The following PPM1L variants were observed in gnomAD, a reference collection of about 807,000 sequenced individuals.
PPM1L encodes protein phosphatase, Mg2+/Mn2+ dependent 1L.
PPM1L carries 13 observed loss-of-function variants against 31.4 expected under a neutral mutation model. The ratio of observed to expected loss-of-function variants is 0.41; its 90% CI spans 0.27 to 0.66. The LOEUF is 0.66. Among genes scored for constraint, PPM1L ranks in the 30% least tolerant of loss-of-function variants. The pLI, the probability that PPM1L is intolerant of heterozygous loss-of-function variation, is 0.29. For missense variants in PPM1L, 326 were observed against 453.7 expected (o/e 0.72, Z 2.56); for synonymous variants, 184 against 175.4 (o/e 1.05, Z -0.39).
intron 1 of PPM1L, among the ~76,000 whole-genome samples, chr3:160,914,758 A>C (rs1156787376): frequency 6.6e-6 from 1 of 152,132 alleles, no homozygotes; most frequent in Non-Finnish European, 1.5e-5. Flanking sequence ...ATATGTGTGC[A>C]TGTGTCTTTA....
chr3:160,953,619 T>G (rs1451095188), intron 1 of PPM1L, among the ~76,000 whole-genome samples: 1 of 152,182 alleles, frequency 6.6e-6, no homozygotes, highest in Non-Finnish European at 1.5e-5. Flanking sequence ...TCTATTAGAA[T>G]TTAATTACAT....
At chr3:161,042,756 C>T (rs1222198763) in intron 2 of PPM1L, among the ~76,000 whole-genome samples, 2 of 152,178 alleles carry the variant, frequency 1.3e-5, no homozygotes, top group Non-Finnish European at 2.9e-5. Flanking sequence ...CACCGTGGCT[C>T]ACGCCTGTAA....
At chr3:160,968,531 G>C (rs923019594) in intron 2 of PPM1L, among the ~76,000 whole-genome samples, 1 of 152,138 alleles carries the variant, frequency 6.6e-6, no homozygotes, top group Non-Finnish European at 1.5e-5. Context: ...TTTTATGCTG[G>C]AGTATTATTT....
At position 160,913,716 on chromosome 3, in the gene PPM1L, C is replaced by T. The variant is rs970393037; in HGVS notation, c.400-48020C>T. Among the ~76,000 whole-genome samples, 10 of 152,172 alleles carry T rather than the reference C, an allele frequency of 6.6e-5. No individual in the cohort carries two copies. In the East Asian group the frequency reaches 7.7e-4, roughly 12 times the overall value. ...TAATGTTTTTGAGATTCATCCATGTCGTTTTATATGTCAGTAGTTCATTCC... is the reference window on the plus strand; with the variant it reads ...TAATGTTTTTGAGATTCATCCATGTTGTTTTATATGTCAGTAGTTCATTCC... On this transcript the variant is annotated intron_variant, in intron 1 of 3. Transcript: ENST00000498165.
intron 2 of PPM1L, among the ~76,000 whole-genome samples, chr3:160,977,550 G>T (rs1576757365): frequency 6.6e-6 from 1 of 152,176 alleles, no homozygotes; most frequent in Middle Eastern, 3.4e-3. Context: ...CCTTACCTGA[G>T]TCACTCTGAT....
chr3:160,825,732 A>G (rs1480065339), intron 1 of PPM1L, among the ~76,000 whole-genome samples: 1 of 152,116 alleles, frequency 6.6e-6, no homozygotes, highest in African/African-American at 2.4e-5. Context: ...AGATTTGACA[A>G]TTTTTTTGAG....
rs182515529 is a variant in PPM1L at position 160,851,992 on chromosome 3, G to A, written c.399+95285G>A. ...TAATTAGAACTTTGATGAAGAAAAGGTCCTATGTTCTGTTTTATACATAAT... is the reference window on the plus strand; with the variant it reads ...TAATTAGAACTTTGATGAAGAAAAGATCCTATGTTCTGTTTTATACATAAT... On this transcript the variant is annotated intron_variant, in intron 1 of 3. Coordinates refer to ENST00000498165, the MANE Select transcript of PPM1L (RefSeq NM_139245.4). Among the ~76,000 whole-genome samples the A allele has an allele frequency of 2.0e-3, 307 of 152,280 alleles. 4 individuals carry two copies. Among genetic ancestry groups the A allele is most frequent in the Middle Eastern group, 0.01 (3 of 294 alleles).
intron 2 of PPM1L, among the ~76,000 whole-genome samples, chr3:160,969,529 C>T (rs1380667361): frequency 6.6e-6 from 1 of 151,716 alleles, no homozygotes; most frequent in South Asian, 2.1e-4. Context: ...TTTCTAAGAA[C>T]ATAAAAAATC....
intron 2 of PPM1L, among the ~76,000 whole-genome samples, chr3:161,049,442 C>A (rs112625157): frequency 0.02 from 3,120 of 152,222 alleles, 115 homozygotes; most frequent in African/African-American, 0.072. Context: ...TTTAAAGAAT[C>A]CTTAAATAAA....
At chr3:160,914,101 A>G (rs969223673) in intron 1 of PPM1L, among the ~76,000 whole-genome samples, 39 of 152,184 alleles carry the variant, frequency 2.6e-4, no homozygotes, top group African/African-American at 8.9e-4. Context: ...CACTTGGCGT[A>G]GACATTCTTT....
rs560944423 is a variant in PPM1L at position 160,965,191 on chromosome 3, C to T, written c.574+3281C>T. On this transcript the variant is annotated intron_variant, in intron 2 of 3. Coordinates refer to ENST00000498165, the MANE Select transcript of PPM1L (RefSeq NM_139245.4). ...GCGTGAACCCAGGAGGCGGAGCTTG[C>T]AGTGAGCCGAGATCGCGCCACTGCA... is the stretch of plus-strand genomic sequence containing the variant. Among the ~76,000 whole-genome samples the T allele has an allele frequency of 5.2e-4, 79 of 151,570 alleles. 1 individual carries two copies. Among genetic ancestry groups the T allele is most frequent in the Non-Finnish European group, 6.3e-4 (43 of 67,896 alleles).
chr3:160,818,517 G>A (rs1340464640), intron 1 of PPM1L, among the ~76,000 whole-genome samples: 2 of 151,828 alleles, frequency 1.3e-5, no homozygotes, highest in African/African-American at 4.8e-5. Flanking sequence ...TCAAAATATT[G>A]GCTAAAATAA....
intron 1 of PPM1L, among the ~76,000 whole-genome samples, chr3:160,850,425 G>T (rs540543890): frequency 3.9e-5 from 6 of 152,204 alleles, no homozygotes; most frequent in African/African-American, 9.6e-5. Context: ...GTCTTTTTGG[G>T]TTTTTATAGA....
chr3:160,987,873 A>T (rs1228965593), intron 2 of PPM1L, among the ~76,000 whole-genome samples: 1 of 152,208 alleles, frequency 6.6e-6, no homozygotes, highest in African/African-American at 2.4e-5. Context: ...ACATAGCTTC[A>T]CTTTGTTCCT....
chr3:160,787,252 C>T (rs933232597), intron 1 of PPM1L, among the ~76,000 whole-genome samples: 1 of 152,190 alleles, frequency 6.6e-6, no homozygotes, highest in African/African-American at 2.4e-5. Flanking sequence ...TTCTTCACAA[C>T]CTCACCAGCA....
chr3:160,793,140 C>T (rs1345056257), intron 1 of PPM1L, among the ~76,000 whole-genome samples: 1 of 152,144 alleles, frequency 6.6e-6, no homozygotes, highest in Admixed American at 6.5e-5. Context: ...TACCCTCGCC[C>T]ACCTCTTTTT....
chr3:161,057,131 A>G (rs1719435260), intron 2 of PPM1L, among the ~76,000 whole-genome samples: 2 of 152,134 alleles, frequency 1.3e-5, no homozygotes, highest in Admixed American at 6.5e-5. Context: ...TTTCAGCCTA[A>G]TGGGTCAAAG....
At chr3:160,948,834 G>A (rs1461877275) in intron 1 of PPM1L, among the ~76,000 whole-genome samples, 1 of 152,130 alleles carries the variant, frequency 6.6e-6, no homozygotes, top group South Asian at 2.1e-4. Context: ...GACTCTTCTT[G>A]TGGAGGGTCT....
rs138008886 is a variant in PPM1L, at chr3:160,989,298, T to G, written c.574+27388T>G. On this transcript the variant is annotated intron_variant, in intron 2 of 3. Transcript: ENST00000498165. Reference sequence around the variant, plus strand: ...AGTGGGAAGTTTAGGGAAAAACAATTTAAGTACCTTTCCTCTCTAAAGTAG... The same window carrying G: ...AGTGGGAAGTTTAGGGAAAAACAATGTAAGTACCTTTCCTCTCTAAAGTAG... Among the ~76,000 whole-genome samples, 59 of 152,286 alleles carry G rather than the reference T, an allele frequency of 3.9e-4. 1 individual carries two copies. The East Asian group carries it at 0.011, about 29-fold the overall frequency.
Sources: gnomAD v4.1 joint callset for allele counts (sites outside exome capture counted in the v4.1 genomes callset) on GRCh38, gnomAD v4.1.1 for gene constraint, MANE v1.5 for transcripts, NCBI Gene and HGNC (gene_info 2026-07-23, HGNC 2026-07-21) for gene names.